The following LAMA1 variants were observed in gnomAD, a reference collection of about 807,000 sequenced individuals.
LAMA1 encodes the protein laminin subunit alpha-1.
Under a neutral mutation model 348.7 loss-of-function variants are expected in LAMA1, and 219 were observed. The ratio of observed to expected loss-of-function variants is 0.63; its 90% CI spans 0.56 to 0.70. LAMA1 has a LOEUF of 0.70. LAMA1 is among the 30% of genes least tolerant of loss of function. The probability of loss-of-function intolerance (pLI) is 0.00; values close to 1 mark genes in which losing one functional copy is unlikely to be tolerated. For missense variants in LAMA1, 3,744 were observed against 3,888.0 expected (o/e 0.96, Z 0.99); for synonymous variants, 1,487 against 1,491.0 (o/e 1.00, Z 0.06).
At chr18:7,077,076 T>C (rs1014287837) in intron 3 of LAMA1, among the ~76,000 whole-genome samples, 5 of 152,138 alleles carry the variant, frequency 3.3e-5, no homozygotes, top group African/African-American at 9.7e-5. Context: ...ACTGTGTAAA[T>C]GGTAAAGAAA....
In LAMA1 at chr18:6,986,339, T is replaced by G. The variant is rs536997345; in HGVS notation, c.5177A>C (p.Glu1726Ala). The G allele has an allele frequency of 1.1e-5, 18 of 1,614,044 alleles. No individual in the cohort carries two copies. In the South Asian group the frequency reaches 2.0e-4, roughly 18 times the overall value. Residue 1726 changes from glutamate (E) to alanine (A), a missense_variant, in exon 37 of 63, where the codon GAA (glutamate) becomes GCA (alanine). Glu to Ala is a moderately radical substitution (Grantham distance 107). Around this residue, in one of 3 missense-constraint regions of LAMA1, gnomAD observed 1,983 missense variants for 1,934.3 expected, o/e 1.03. Coordinates refer to ENST00000389658, the MANE Select transcript of LAMA1 (RefSeq NM_005559.4). ...QNATLELKAA[E>A]DLLSQIQENY... ...TTCCTGAATTTGTGACAATAAATCT[T>G]CAGCAGCCCTGATAAATATGAATGG... is the stretch of plus-strand genomic sequence containing the variant.
chr18:7,066,490 A>T (rs548062063), intron 3 of LAMA1, among the ~76,000 whole-genome samples: 1 of 152,298 alleles, frequency 6.6e-6, no homozygotes, highest in African/African-American at 2.4e-5. Flanking sequence ...TCTAATATTG[A>T]TATTCAATAT....
At chr18:7,064,265 T>C (rs1472826794) in intron 3 of LAMA1, among the ~76,000 whole-genome samples, 1 of 147,108 alleles carries the variant, frequency 6.8e-6, no homozygotes, top group Non-Finnish European at 1.5e-5. Flanking sequence ...GCATATTTTA[T>C]AATAACACCC....
At chr18:7,005,471 G>A (rs1018615417) in intron 29 of LAMA1, among the ~76,000 whole-genome samples, 5 of 152,194 alleles carry the variant, frequency 3.3e-5, no homozygotes, top group Admixed American at 3.3e-4. Flanking sequence ...AGGGACAGCC[G>A]GGCGTGATGG....
chr18:7,011,174 C>T, intron 25 of LAMA1, 126 bp downstream of exon 25: 2 of 1,057,038 alleles, frequency 1.9e-6, no homozygotes, highest in Non-Finnish European at 2.8e-6. Context: ...TCTCTGATCC[C>T]ACTTAAAAGA....
chr18:6,947,031 T>A (rs908775049), intron 61 of LAMA1, 132 bp downstream of exon 61: 87 of 1,231,634 alleles, frequency 7.1e-5, no homozygotes, highest in Non-Finnish European at 9.5e-5. Context: ...CAATATCTGT[T>A]TTTAAAATAG....
At chr18:6,982,129 A>G (rs935101536) in intron 41 of LAMA1, among the ~76,000 whole-genome samples, 1 of 152,200 alleles carries the variant, frequency 6.6e-6, no homozygotes, top group African/African-American at 2.4e-5. Context: ...TATCAAGCAT[A>G]ATACATCTCC....
chr18:7,080,210 C>T, intron 2 of LAMA1, 77 bp downstream of exon 2: 2 of 1,601,900 alleles, frequency 1.2e-6, no homozygotes, highest in South Asian at 1.1e-5. Flanking sequence ...TTATGGCTTC[C>T]TAACAGAAGT....
chr18:6,984,346 TG>T (rs770425211), intron 39 of LAMA1, among the ~76,000 whole-genome samples: 18 of 152,192 alleles, frequency 1.2e-4, no homozygotes, highest in Non-Finnish European at 2.4e-4. Flanking sequence ...ATTTTCCCAG[TG>T]TGGTCAGACT....
At chr18:7,075,679 G>A (rs184791120) in intron 3 of LAMA1, among the ~76,000 whole-genome samples, 3 of 151,592 alleles carry the variant, frequency 2.0e-5, no homozygotes, top group East Asian at 2.0e-4. Context: ...GGCTTACGCC[G>A]GTAATTCCAG....
chr18:6,962,465 G>T lies in LAMA1; in HGVS notation c.7338-406C>A, dbSNP rs545274295. Among the ~76,000 whole-genome samples, 5 of 152,150 alleles carry T rather than the reference G, an allele frequency of 3.3e-5. No individual in the cohort carries two copies. The South Asian group carries it at 8.3e-4, about 25-fold the overall frequency. ...GGAACCCTATACTTCTGGAATACCT[G>T]TTTCCATGTGTTACTCTGCAGAAAT... On this transcript the variant is annotated intron_variant, in intron 51 of 62. Transcript: ENST00000389658.
chr18:7,029,911 G>A lies in LAMA1; in HGVS notation c.2274+2155C>T, dbSNP rs2057960789. ...ACTCCTGGAAGCTAGATAGTTATAC[G>A]CAAGGCCCAGGGCTATGAACAACTA... is the stretch of plus-strand genomic sequence containing the variant. On this transcript the variant is annotated intron_variant, in intron 16 of 62. Coordinates refer to ENST00000389658, the MANE Select transcript of LAMA1 (RefSeq NM_005559.4). Among the ~76,000 whole-genome samples, 7 of 151,490 alleles carry A rather than the reference G, an allele frequency of 4.6e-5. No individual in the cohort carries two copies. In the South Asian group the frequency reaches 1.5e-3, roughly 32 times the overall value.
intron 1 of LAMA1, among the ~76,000 whole-genome samples, chr18:7,107,688 A>G (rs573931647): frequency 3.9e-5 from 6 of 152,218 alleles, no homozygotes; most frequent in Non-Finnish European, 7.3e-5. Context: ...CAATACTCCT[A>G]TAAGGAAATA....
intron 54 of LAMA1, among the ~76,000 whole-genome samples, chr18:6,958,994 G>A (rs2057594288): frequency 6.6e-6 from 1 of 151,990 alleles, no homozygotes; most frequent in Non-Finnish European, 1.5e-5. Context: ...ATTTTGGAGG[G>A]AAATATACAG....
intron 58 of LAMA1, 61 bp from the exon 59 acceptor site, chr18:6,949,320 T>A: frequency 6.7e-7 from 1 of 1,498,360 alleles, no homozygotes; most frequent in Non-Finnish European, 9.3e-7. Context: ...TTAACAGATG[T>A]ATAAACTTTA....
At position 6,966,187 on chromosome 18, in the gene LAMA1, G is replaced by GA. The variant is rs2144018381; in HGVS notation, c.7009dup (p.Ser2337PhefsTer3). On this transcript the variant is annotated frameshift_variant, in exon 49 of 63. Coordinates refer to ENST00000389658, the MANE Select transcript of LAMA1 (RefSeq NM_005559.4). LOFTEE classifies it high-confidence loss of function. ...CAGGTAGAGAAGAAGTCCATTAGGTGAAAAGGTATTAAAAAGCATGATTAT... is the reference window on the plus strand; with the variant it reads ...CAGGTAGAGAAGAAGTCCATTAGGTGAAAAAGGTATTAAAAAGCATGATTAT... 6.2e-7 allele frequency: 1 copy of GA among 1,614,130 alleles called. No individual in the cohort carries two copies. Among genetic ancestry groups the GA allele is most frequent in the Non-Finnish European group, 8.5e-7 (1 of 1,180,000 alleles).
intron 36 of LAMA1, among the ~76,000 whole-genome samples, chr18:6,988,236 C>CA (rs2057743950): frequency 6.6e-6 from 1 of 152,114 alleles, no homozygotes; most frequent in Admixed American, 6.6e-5. Flanking sequence ...GATTAATCAA[C>CA]AAAAAAACCC....
At chr18:7,037,541 T>A in intron 12 of LAMA1, 37 bp downstream of exon 12, 2 of 1,612,130 alleles carry the variant, frequency 1.2e-6, no homozygotes, top group Non-Finnish European at 1.7e-6. Context: ...CCTGAGATCT[T>A]CATCTGAGAC....
intron 1 of LAMA1, among the ~76,000 whole-genome samples, chr18:7,088,926 G>A (rs1443337731): frequency 2.0e-5 from 3 of 152,112 alleles, no homozygotes; most frequent in Non-Finnish European, 4.4e-5. Flanking sequence ...AGGATCGCTT[G>A]AGCCTAGGAG....
Sources: allele counts gnomAD v4.1 joint callset (sites outside exome capture counted in the v4.1 genomes callset), GRCh38; gene constraint gnomAD v4.1.1; regional missense constraint gnomAD v4.1.1; transcripts MANE v1.5; gene names NCBI Gene and HGNC (gene_info 2026-07-23, HGNC 2026-07-21).